TASP1: variants seen among roughly 807,000 people sequenced by gnomAD.
TASP1 encodes the protein threonine aspartase 1.
In TASP1, 16 loss-of-function variants were observed where a neutral mutation model predicts 56.6. The ratio of observed to expected loss-of-function variants is 0.28; its 90% confidence interval spans 0.19 to 0.43. TASP1 has a LOEUF of 0.43. Ranked by LOEUF, TASP1 falls within the 20% of genes least tolerant of loss-of-function variation. TASP1 has a pLI of 1.00. For missense variants in TASP1, 393 were observed against 511.6 expected (o/e 0.77, Z 2.24); for synonymous variants, 179 against 184.2 (o/e 0.97, Z 0.23).
chr20:13,463,765 T>G (rs1008120682), intron 11 of TASP1, among the ~76,000 whole-genome samples: 1 of 151,984 alleles, frequency 6.6e-6, no homozygotes, highest in Non-Finnish European at 1.5e-5. Flanking sequence ...ATGTCACTAA[T>G]TAATAACAAA....
At chr20:13,220,979 G>T in the TASP1 span, among the ~76,000 whole-genome samples, 2 of 152,196 alleles carry the variant, frequency 1.3e-5, no homozygotes, top group African/African-American at 4.8e-5. Flanking sequence ...GTACAGCCCG[G>T]CAGGCTGACG....
At chr20:13,136,142 G>A in the TASP1 span, among the ~76,000 whole-genome samples, 2 of 152,056 alleles carry the variant, frequency 1.3e-5, no homozygotes, top group African/African-American at 4.8e-5. Context: ...AGTCACACAT[G>A]TCCCTCTCTG....
intron 6 of TASP1, among the ~76,000 whole-genome samples, chr20:13,570,967 C>G (rs1231847826): frequency 6.6e-6 from 1 of 152,088 alleles, no homozygotes; most frequent in Non-Finnish European, 1.5e-5. Flanking sequence ...ATGATCAAGA[C>G]AAAAGTTTGG....
intron 11 of TASP1, among the ~76,000 whole-genome samples, chr20:13,467,088 T>G (rs1237361021): frequency 1.3e-5 from 2 of 151,914 alleles, no homozygotes; most frequent in Non-Finnish European, 2.9e-5. Flanking sequence ...AGTAATACAA[T>G]GAAGATTTAT....
the TASP1 span, among the ~76,000 whole-genome samples, chr20:13,353,073 C>G: frequency 6.6e-6 from 1 of 152,108 alleles, no homozygotes; most frequent in East Asian, 1.9e-4. Context: ...GCTGTATATA[C>G]AAAAGAAATT....
At chr20:13,427,054 G>A (rs2042638796) in intron 12 of TASP1, among the ~76,000 whole-genome samples, 1 of 152,184 alleles carries the variant, frequency 6.6e-6, no homozygotes, top group African/African-American at 2.4e-5. Flanking sequence ...TGTGAGCCCA[G>A]CAGAAATGCC....
the TASP1 span, chr20:13,110,274 T>G: frequency 6.9e-7 from 1 of 1,444,218 alleles, no homozygotes; most frequent in Non-Finnish European, 9.6e-7. Flanking sequence ...AGCTGACCAG[T>G]GCGGAAAGGC....
the TASP1 span, among the ~76,000 whole-genome samples, chr20:13,355,126 G>T: frequency 6.6e-6 from 1 of 152,186 alleles, no homozygotes; most frequent in Non-Finnish European, 1.5e-5. Context: ...CAGGAAGTTA[G>T]CACACAGGGT....
At chr20:13,416,868 T>C (rs1052431197) in intron 13 of TASP1, among the ~76,000 whole-genome samples, 22 of 152,200 alleles carry the variant, frequency 1.4e-4, no homozygotes, top group Admixed American at 1.4e-3. Flanking sequence ...GCCTATGTGA[T>C]TATTGCAACT....
At chr20:13,556,813 T>C (rs2046174374) in intron 8 of TASP1, among the ~76,000 whole-genome samples, 1 of 152,264 alleles carries the variant, frequency 6.6e-6, no homozygotes, top group South Asian at 2.1e-4. Flanking sequence ...GGGGTCTCCG[T>C]TGACCATCCT....
chr20:13,366,457 T>C, the TASP1 span, among the ~76,000 whole-genome samples: 1 of 152,190 alleles, frequency 6.6e-6, no homozygotes, highest in Non-Finnish European at 1.5e-5. Flanking sequence ...GCTTCCTACT[T>C]ATTTCTAATT....
chr20:13,525,944 G>A (rs2044962219), intron 10 of TASP1, among the ~76,000 whole-genome samples: 1 of 152,144 alleles, frequency 6.6e-6, no homozygotes, highest in South Asian at 2.1e-4. Context: ...GTCATGAACT[G>A]GAAAGCTAGA....
At chr20:13,221,387 C>T in the TASP1 span, among the ~76,000 whole-genome samples, 1 of 147,788 alleles carries the variant, frequency 6.8e-6, no homozygotes, top group African/African-American at 2.4e-5. Flanking sequence ...CGCCCCGCCG[C>T]CGACCCCGCA....
the TASP1 span, among the ~76,000 whole-genome samples, chr20:13,222,087 G>A: frequency 6.6e-6 from 1 of 152,184 alleles, no homozygotes; most frequent in Non-Finnish European, 1.5e-5. Context: ...GGCGGAGCGG[G>A]GGCACGTGCC....
At chr20:13,638,067 G>A (rs973009561) in intron 1 of TASP1, among the ~76,000 whole-genome samples, 5 of 152,312 alleles carry the variant, frequency 3.3e-5, no homozygotes, top group East Asian at 1.9e-4. Context: ...TGGGTTGGCA[G>A]AACTATAGGT....
At chr20:13,141,095 AG>A in the TASP1 span, among the ~76,000 whole-genome samples, 51 of 152,280 alleles carry the variant, frequency 3.3e-4, no homozygotes, top group Non-Finnish European at 5.1e-4. Flanking sequence ...TAGGGCATTG[AG>A]GGGGGAAAGA....
the TASP1 span, among the ~76,000 whole-genome samples, chr20:13,222,966 T>C: frequency 9.2e-5 from 14 of 152,120 alleles, no homozygotes; most frequent in African/African-American, 2.9e-4. Flanking sequence ...TGTTGGAGAC[T>C]ATCCTGGCCG....
intron 8 of TASP1, among the ~76,000 whole-genome samples, chr20:13,549,774 A>G (rs991275532): frequency 2.6e-5 from 4 of 152,202 alleles, no homozygotes; most frequent in East Asian, 1.9e-4. Flanking sequence ...CAATGATAAC[A>G]TTAAGAAATG....
chr20:13,579,888 C>T (rs1024765253), intron 6 of TASP1, among the ~76,000 whole-genome samples: 2 of 152,144 alleles, frequency 1.3e-5, no homozygotes, highest in African/African-American at 4.8e-5. Flanking sequence ...TTTTTCTAAA[C>T]TATATTAATT....
Sources: allele counts gnomAD v4.1 joint callset (sites outside exome capture counted in the v4.1 genomes callset), GRCh38; gene constraint gnomAD v4.1.1; transcripts MANE v1.5; gene names NCBI Gene and HGNC (gene_info 2026-07-23, HGNC 2026-07-21).